The following SCAMP1 variants were observed in gnomAD, a reference collection of about 807,000 sequenced individuals.
SCAMP1 encodes secretory carrier membrane protein 1.
SCAMP1 carries 15 observed loss-of-function variants against 41.8 expected under a neutral mutation model. The observed-to-expected ratio is 0.36, with a 90% CI of 0.24 to 0.55. SCAMP1 has a LOEUF of 0.55. Among genes scored for constraint, SCAMP1 ranks in the 20% least tolerant of loss-of-function variants. The probability of loss-of-function intolerance (pLI) is 0.86; values close to 1 mark genes in which losing one functional copy is unlikely to be tolerated. For missense variants in SCAMP1, 341 were observed against 412.6 expected (o/e 0.83, Z 1.50); for synonymous variants, 135 against 136.8 (o/e 0.99, Z 0.09).
intron 8 of SCAMP1, among the ~76,000 whole-genome samples, chr5:78,461,601 G>A (rs1025288750): frequency 6.6e-6 from 1 of 151,924 alleles, no homozygotes; most frequent in Non-Finnish European, 1.5e-5. Context: ...TTGCTCTGAC[G>A]CCCAGGCTGG....
intron 2 of SCAMP1, among the ~76,000 whole-genome samples, chr5:78,401,720 T>C (rs959663580): frequency 2.6e-5 from 4 of 152,172 alleles, no homozygotes; most frequent in African/African-American, 9.6e-5. Flanking sequence ...TCCTCCCTTT[T>C]GTTCCTCCTT....
chr5:78,417,095 A>G (rs185567674), intron 4 of SCAMP1, among the ~76,000 whole-genome samples: 3 of 152,324 alleles, frequency 2.0e-5, no homozygotes, highest in East Asian at 1.9e-4. Flanking sequence ...TTGGAAGCCT[A>G]AGGTATTCAT....
chr5:78,390,215 A>G lies in SCAMP1; in HGVS notation c.135+1301A>G, dbSNP rs147333321. Reference sequence around the variant, plus strand: ...TTGGTGTTGGGGGAAAAAACCCCACACATTTGGTATCAATAGTATTGTTGG... The same window carrying G: ...TTGGTGTTGGGGGAAAAAACCCCACGCATTTGGTATCAATAGTATTGTTGG... On this transcript the variant is annotated intron_variant, in intron 2 of 8. Coordinates refer to ENST00000621999, the MANE Select transcript of SCAMP1 (RefSeq NM_004866.6). 9.5e-4 allele frequency among the ~76,000 whole-genome samples: 144 copies of G among 152,366 alleles called. 3 individuals carry two copies. In the East Asian group the frequency reaches 0.026, roughly 28 times the overall value.
chr5:78,376,577 C>A (rs1461875943), intron 1 of SCAMP1, among the ~76,000 whole-genome samples: 1 of 152,142 alleles, frequency 6.6e-6, no homozygotes, highest in Non-Finnish European at 1.5e-5. Context: ...TAAATGATTT[C>A]GCCAGTTTTC....
At chr5:78,467,801 C>T (rs1459012232) in intron 8 of SCAMP1, among the ~76,000 whole-genome samples, 1 of 152,154 alleles carries the variant, frequency 6.6e-6, no homozygotes, top group Non-Finnish European at 1.5e-5. Context: ...GCAGGCATTT[C>T]TCTTGCTGTA....
chr5:78,375,540 A>G (rs572479269), intron 1 of SCAMP1, among the ~76,000 whole-genome samples: 47 of 152,272 alleles, frequency 3.1e-4, no homozygotes, highest in African/African-American at 1.1e-3. Context: ...TCAATTTCCC[A>G]TTGGCTTCCT....
intron 1 of SCAMP1, among the ~76,000 whole-genome samples, chr5:78,380,735 AGATCACT>A (rs1209769762): frequency 6.6e-6 from 1 of 152,202 alleles, no homozygotes; most frequent in African/African-American, 2.4e-5. Context: ...GAAGAAAAAA[AGATCACT>A]GATCACAGAT....
intron 7 of SCAMP1, among the ~76,000 whole-genome samples, chr5:78,457,598 C>T (rs1055801908): frequency 4.1e-4 from 63 of 152,330 alleles, no homozygotes; most frequent in South Asian, 1.7e-3. Flanking sequence ...AGCTGTCAGA[C>T]AGGGACATTT....
At chr5:78,450,093 G>T (rs141612513) in intron 7 of SCAMP1, 59 bp downstream of exon 7, 1 of 980,008 alleles carries the variant, frequency 1.0e-6, no homozygotes, top group Non-Finnish European at 1.5e-6. Flanking sequence ...ATAATTTTTG[G>T]CTTCCTAATC....
intron 1 of SCAMP1, among the ~76,000 whole-genome samples, chr5:78,365,691 C>A (rs1279653838): frequency 6.6e-6 from 1 of 152,070 alleles, no homozygotes; most frequent in Non-Finnish European, 1.5e-5. Context: ...GGTGCTTTTT[C>A]ACAACACGTA....
intron 1 of SCAMP1, among the ~76,000 whole-genome samples, chr5:78,369,127 G>A (rs1197233378): frequency 6.7e-6 from 1 of 148,900 alleles, no homozygotes; most frequent in South Asian, 2.1e-4. Context: ...TTTTTTTTGA[G>A]ACAGGGTCTC....
intron 7 of SCAMP1, among the ~76,000 whole-genome samples, chr5:78,451,119 G>C (rs1183138839): frequency 1.3e-5 from 2 of 152,020 alleles, no homozygotes; most frequent in Non-Finnish European, 2.9e-5. Context: ...CACAGACATA[G>C]GGAAAATGCT....
intron 8 of SCAMP1, among the ~76,000 whole-genome samples, chr5:78,464,813 T>G (rs1384211712): frequency 1.3e-5 from 2 of 152,206 alleles, no homozygotes; most frequent in East Asian, 3.8e-4. Flanking sequence ...TTCACCAGTA[T>G]TATGCCATTT....
chr5:78,434,408 T>C (rs1293855931), intron 6 of SCAMP1, among the ~76,000 whole-genome samples: 1 of 152,196 alleles, frequency 6.6e-6, no homozygotes, highest in African/African-American at 2.4e-5. Context: ...AACAGTGGTC[T>C]TTTCCACTTT....
chr5:78,380,198 T>C (rs1353675652), intron 1 of SCAMP1, among the ~76,000 whole-genome samples: 1 of 152,236 alleles, frequency 6.6e-6, no homozygotes, highest in Non-Finnish European at 1.5e-5. Flanking sequence ...CATGGTTTAT[T>C]CAGTCATCTT....
intron 7 of SCAMP1, among the ~76,000 whole-genome samples, chr5:78,454,613 A>G (rs867374261): frequency 0.011 from 1,631 of 152,200 alleles, 24 homozygotes; most frequent in African/African-American, 0.037. Flanking sequence ...TTTTGCGTCA[A>G]TGTTCATCAA....
At chr5:78,452,241 A>T (rs1310891472) in intron 7 of SCAMP1, among the ~76,000 whole-genome samples, 4 of 149,824 alleles carry the variant, frequency 2.7e-5, no homozygotes, top group African/African-American at 9.9e-5. Context: ...TGTGCAGGTT[A>T]GTTACATATG....
At chr5:78,364,668 G>A (rs911638058) in intron 1 of SCAMP1, among the ~76,000 whole-genome samples, 1 of 152,072 alleles carries the variant, frequency 6.6e-6, no homozygotes, top group Non-Finnish European at 1.5e-5. Flanking sequence ...TTGAGGGGAG[G>A]CAGCAGAGGA....
chr5:78,403,122 C>T (rs772784354), intron 2 of SCAMP1, among the ~76,000 whole-genome samples: 6 of 152,178 alleles, frequency 3.9e-5, no homozygotes, highest in African/African-American at 7.2e-5. Flanking sequence ...CTGCCTGCCT[C>T]GGCCTCCCAA....
Sources: allele counts gnomAD v4.1 joint callset (sites outside exome capture counted in the v4.1 genomes callset), GRCh38; gene constraint gnomAD v4.1.1; transcripts MANE v1.5; gene names NCBI Gene and HGNC (gene_info 2026-07-23, HGNC 2026-07-21).